CTNNA3: variants seen among roughly 807,000 people sequenced by gnomAD.
The protein encoded by CTNNA3 is catenin alpha 3.
CTNNA3 carries 76 observed loss-of-function variants against 95.7 expected under a neutral mutation model. That is an observed-to-expected ratio of 0.79 (90% confidence interval 0.66 to 0.96). The LOEUF is 0.96. CTNNA3 is among the 40% of genes least tolerant of loss of function. The probability of loss-of-function intolerance (pLI) is 0.00; values close to 1 mark genes in which losing one functional copy is unlikely to be tolerated. For missense variants in CTNNA3, 1,191 were observed against 1,089.8 expected (o/e 1.09, Z -1.31); for synonymous variants, 431 against 374.4 (o/e 1.15, Z -1.74).
At chr10:66,404,385 T>C (rs749866675) in intron 11 of CTNNA3, among the ~76,000 whole-genome samples, 2 of 152,116 alleles carry the variant, frequency 1.3e-5, no homozygotes, top group Non-Finnish European at 2.9e-5. Flanking sequence ...GTGGTCTCAG[T>C]AGTTTGATTT....
intron 7 of CTNNA3, among the ~76,000 whole-genome samples, chr10:66,907,205 C>A (rs1418984124): frequency 6.6e-6 from 1 of 152,068 alleles, no homozygotes; most frequent in Non-Finnish European, 1.5e-5. Flanking sequence ...GTGCACATTT[C>A]TTAAGCTTAC....
chr10:67,052,034 C>T (rs1224196698), intron 7 of CTNNA3, among the ~76,000 whole-genome samples: 2 of 152,120 alleles, frequency 1.3e-5, no homozygotes, highest in South Asian at 4.1e-4. Context: ...GGATTACAGG[C>T]GTGAGCCACC....
chr10:67,340,823 G>T (rs1842156289), intron 5 of CTNNA3, among the ~76,000 whole-genome samples: 1 of 152,104 alleles, frequency 6.6e-6, no homozygotes, highest in African/African-American at 2.4e-5. Flanking sequence ...ACTTTGAAAA[G>T]GAAGAAAAAC....
At chr10:67,757,348 T>C (rs1841438627) in intron 1 of CTNNA3, among the ~76,000 whole-genome samples, 1 of 152,222 alleles carries the variant, frequency 6.6e-6, no homozygotes, top group Non-Finnish European at 1.5e-5. Flanking sequence ...GATGCTGTGA[T>C]GGTTAATACT....
At chr10:66,883,367 T>C (rs1397607919) in intron 7 of CTNNA3, among the ~76,000 whole-genome samples, 1 of 152,074 alleles carries the variant, frequency 6.6e-6, no homozygotes, top group Non-Finnish European at 1.5e-5. Context: ...AGAGCTCTGA[T>C]AAAAATGTCA....
At chr10:66,710,263 G>C (rs1377296393) in intron 9 of CTNNA3, among the ~76,000 whole-genome samples, 3 of 151,930 alleles carry the variant, frequency 2.0e-5, no homozygotes, top group Non-Finnish European at 2.9e-5. Context: ...TTTCTTCAAG[G>C]TTTCCTTACT....
At chr10:66,568,396 G>A (rs1427399986) in intron 10 of CTNNA3, among the ~76,000 whole-genome samples, 1 of 152,048 alleles carries the variant, frequency 6.6e-6, no homozygotes, top group African/African-American at 2.4e-5. Context: ...ATGAAAATAA[G>A]GCAATTTCAA....
At position 66,513,160 on chromosome 10, in the gene CTNNA3, G is replaced by C. The variant is rs1258499834; in HGVS notation, c.1531+7457C>G. 2.6e-5 allele frequency among the ~76,000 whole-genome samples: 4 copies of C among 152,080 alleles called. No homozygotes were observed. The East Asian group carries it at 7.7e-4, about 29-fold the overall frequency. On this transcript the variant is annotated intron_variant, in intron 11 of 17. Coordinates refer to ENST00000433211, the MANE Select transcript of CTNNA3 (RefSeq NM_013266.4). ...CAGGAATAGACTATTTGTTTGCATA[G>C]TGATATCCCATATGTCATGTAAACT...
intron 12 of CTNNA3, among the ~76,000 whole-genome samples, chr10:66,294,045 A>G (rs1438886727): frequency 2.0e-5 from 3 of 152,182 alleles, no homozygotes; most frequent in Non-Finnish European, 4.4e-5. Context: ...AGGAGATTAG[A>G]CTGGCCTCAA....
rs74141646 is a variant in CTNNA3, at chr10:66,698,770, T to C, written c.1281+67494A>G. ...GACAGCAACTTAGAGATAGGGCTAT[T>C]ACATTAAATCTATGATTACATTAGC... On this transcript the variant is annotated intron_variant, in intron 9 of 17. Transcript: ENST00000433211. 9.1e-3 allele frequency among the ~76,000 whole-genome samples: 1,393 copies of C among 152,280 alleles called. 24 individuals are homozygous for C. The highest frequency in any genetic ancestry group is 0.031 in the African/African-American group (1,283 of 41,544).
intron 10 of CTNNA3, among the ~76,000 whole-genome samples, chr10:66,586,969 G>A (rs1439174478): frequency 1.3e-5 from 2 of 152,174 alleles, no homozygotes; most frequent in Non-Finnish European, 1.5e-5. Context: ...TAGCTGTCCA[G>A]TGGGGCTGCC....
chr10:66,839,801 A>G (rs1842986523), intron 7 of CTNNA3, among the ~76,000 whole-genome samples: 1 of 152,154 alleles, frequency 6.6e-6, no homozygotes, highest in Non-Finnish European at 1.5e-5. Context: ...TATAATCCAC[A>G]TATAAATAAA....
At chr10:66,387,373 T>G (rs767436387) in intron 11 of CTNNA3, among the ~76,000 whole-genome samples, 2 of 152,148 alleles carry the variant, frequency 1.3e-5, no homozygotes, top group Non-Finnish European at 2.9e-5. Flanking sequence ...ATCAGAGAAC[T>G]GCAAATCAAA....
At chr10:66,828,454 C>T (rs539755484) in intron 7 of CTNNA3, among the ~76,000 whole-genome samples, 17 of 152,290 alleles carry the variant, frequency 1.1e-4, no homozygotes, top group East Asian at 7.7e-4. Flanking sequence ...CATCTGTGTA[C>T]GTGGCAATTT....
At chr10:66,579,910 T>C (rs1171146315) in intron 10 of CTNNA3, among the ~76,000 whole-genome samples, 4 of 151,774 alleles carry the variant, frequency 2.6e-5, no homozygotes, top group Non-Finnish European at 5.9e-5. Context: ...TAAACATTTG[T>C]CTTTAATTTT....
intron 9 of CTNNA3, among the ~76,000 whole-genome samples, chr10:66,658,048 C>G (rs181900676): frequency 1.1e-3 from 169 of 152,172 alleles, no homozygotes; most frequent in Non-Finnish European, 1.4e-3. Context: ...GATGTGTGTC[C>G]CTTTCAATTT....
chr10:66,208,316 T>G (rs535850321), intron 13 of CTNNA3, among the ~76,000 whole-genome samples: 1 of 152,120 alleles, frequency 6.6e-6, no homozygotes. Context: ...CTTTACATAT[T>G]AACAGGAAAT....
intron 7 of CTNNA3, among the ~76,000 whole-genome samples, chr10:67,091,348 AC>A (rs1389373244): frequency 5.3e-5 from 8 of 151,892 alleles, no homozygotes; most frequent in African/African-American, 1.7e-4. Context: ...ACACAAACAT[AC>A]ATGCATAAAT....
intron 6 of CTNNA3, among the ~76,000 whole-genome samples, chr10:67,208,773 AT>A (rs1253357863): frequency 1.3e-5 from 2 of 152,160 alleles, no homozygotes; most frequent in Admixed American, 6.5e-5. Flanking sequence ...AATTTCCATA[AT>A]TGTATAATTA....
Sources: allele counts gnomAD v4.1 joint callset (sites outside exome capture counted in the v4.1 genomes callset), GRCh38; gene constraint gnomAD v4.1.1; transcripts MANE v1.5; gene names NCBI Gene and HGNC (gene_info 2026-07-23, HGNC 2026-07-21).